The following ALPK1 variants were observed in gnomAD, a reference collection of about 807,000 sequenced individuals.
ALPK1 encodes alpha-protein kinase 1.
ALPK1 carries 110 observed loss-of-function variants against 120.6 expected under a neutral mutation model. The observed-to-expected ratio is 0.91, with a 90% CI of 0.78 to 1.07. The LOEUF (loss-of-function observed/expected upper bound fraction) is 1.07. Among genes scored for constraint, ALPK1 ranks in the 50% least tolerant of loss-of-function variants. The pLI is 0.00. For synonymous variants in ALPK1, 582 were observed against 560.3 expected, an observed-to-expected ratio of 1.04 and a Z score of -0.55; for missense variants, 1,498 against 1,483.9, an observed-to-expected ratio of 1.01 and a Z score of -0.16.
chr4:112,330,367 C>CTA (rs2148700357), intron 2 of ALPK1, among the ~76,000 whole-genome samples: 1 of 152,240 alleles, frequency 6.6e-6, no homozygotes, highest in African/African-American at 2.4e-5. Flanking sequence ...ACAGCCTAAG[C>CTA]TATAAAGGTA....
intron 4 of ALPK1, chr4:112,411,584 T>G (rs1056107868): frequency 1.8e-6 from 1 of 550,760 alleles, no homozygotes; most frequent in Admixed American, 3.1e-5. Context: ...GAAGTATGCA[T>G]TTATCGCTTC....
chr4:112,440,415 C>T (rs1052607107), intron 14 of ALPK1, among the ~76,000 whole-genome samples: 1 of 152,010 alleles, frequency 6.6e-6, no homozygotes, highest in Non-Finnish European at 1.5e-5. Flanking sequence ...TTAGAAAATA[C>T]CCTATACTTC....
intron 4 of ALPK1, among the ~76,000 whole-genome samples, chr4:112,396,271 T>G (rs1732646473): frequency 1.3e-5 from 2 of 152,318 alleles, no homozygotes; most frequent in Non-Finnish European, 1.5e-5. Context: ...GAAAAATGTC[T>G]AAGCTCCATA....
intron 4 of ALPK1, among the ~76,000 whole-genome samples, chr4:112,410,252 G>C (rs1371620410): frequency 2.6e-5 from 4 of 152,010 alleles, no homozygotes; most frequent in Admixed American, 2.6e-4. Context: ...CTAACATAGA[G>C]TCAGGACAAC....
rs1004618507 is a variant in ALPK1, at chr4:112,307,788, T to A, written c.-152-8013T>A. On this transcript the variant is annotated intron_variant, in intron 1 of 15. Transcript: ENST00000650871. The stretch of plus-strand genomic sequence containing the variant: ...GTTATGTGTGAATTTGACCCTGTCA[T>A]TATAATGTTAGCTGGTTATTTTGCT... 3.3e-5 allele frequency among the ~76,000 whole-genome samples: 5 copies of A among 152,250 alleles called. 2 individuals are homozygous for A. The highest frequency in any genetic ancestry group is 1.2e-4 in the African/African-American group (5 of 41,500).
chr4:112,331,275 A>G (rs1729357032), intron 2 of ALPK1, among the ~76,000 whole-genome samples: 1 of 152,132 alleles, frequency 6.6e-6, no homozygotes, highest in South Asian at 2.1e-4. Flanking sequence ...GATTATTGAG[A>G]GGGTGTCTTC....
At chr4:112,399,466 G>A (rs1386454423) in intron 4 of ALPK1, among the ~76,000 whole-genome samples, 1 of 152,174 alleles carries the variant, frequency 6.6e-6, no homozygotes, top group African/African-American at 2.4e-5. Context: ...AGAGTGGCAG[G>A]TAAAGACGTG....
chr4:112,431,409 G>T lies in ALPK1; in HGVS notation c.1862G>T (p.Cys621Phe). 1 of 1,614,236 alleles carries T rather than the reference G, an allele frequency of 6.2e-7. No homozygotes were observed. Among genetic ancestry groups the T allele is most frequent in the Non-Finnish European group, 8.5e-7 (1 of 1,180,040 alleles). Residue 621 changes from cysteine (C) to phenylalanine (F), a missense_variant, in exon 11 of 16, where the codon TGT becomes TTT. Transcript: ENST00000650871. ...AAAGAACATCTGGTGGACACTCAGT[G>T]TTCCACTGCCTTGTCTGAGGAGCTA... ...PGKEHLVDTQ[C>F]STALSEELEN... is the part of the protein sequence containing the mutation.
Position 112,442,207 on chromosome 4 carries a change from C to G in ALPK1, c.*997C>G, listed in dbSNP as rs182332598. 2 of 152,248 alleles carry G rather than the reference C, an allele frequency of 1.3e-5. No individual in the cohort carries two copies. The highest frequency in any genetic ancestry group is 1.3e-4 in the Admixed American group (2 of 15,296). 9.4% of individuals were successfully genotyped at this position (152,248 alleles called of 1,614,324 possible). ...ACCTCCTACCAGGTCCTTCCCATGA[C>G]ACATGGGAATTATGGGACTACAATT... is the stretch of plus-strand genomic sequence containing the variant. On this transcript the variant is annotated 3_prime_UTR_variant, in exon 16 of 16. Coordinates refer to ENST00000650871, the MANE Select transcript of ALPK1 (RefSeq NM_025144.4).
intron 2 of ALPK1, among the ~76,000 whole-genome samples, chr4:112,363,885 T>C (rs1330642832): frequency 6.6e-6 from 1 of 152,104 alleles, no homozygotes; most frequent in African/African-American, 2.4e-5. Flanking sequence ...TGGAATAAAA[T>C]TGGAAATCAA....
At chr4:112,347,488 A>C (rs1488569735) in intron 2 of ALPK1, among the ~76,000 whole-genome samples, 1 of 152,260 alleles carries the variant, frequency 6.6e-6, no homozygotes, top group Non-Finnish European at 1.5e-5. Context: ...TCTTCTAAGT[A>C]GTATAATAGT....
In ALPK1 at chr4:112,435,175, A is replaced by T. The variant is rs1163105556; in HGVS notation, c.3062A>T (p.Lys1021Ile). ...HSALLLKYSKKSELWTAQETI... is the reference protein window; with the variant it reads ...HSALLLKYSKISELWTAQETI... ...GCTCTTTTGTTAAAATATTCAAAAA[A>T]ATCTGAACTGTGGACGGCCCAGGAA... The change falls in exon 12 of 16, where the codon AAA becomes ATA. Residue 1021 changes from lysine (K) to isoleucine (I), a missense_variant. Lys to Ile is a moderately radical substitution (Grantham distance 102, BLOSUM62 -3). Coordinates refer to ENST00000650871, the MANE Select transcript of ALPK1 (RefSeq NM_025144.4). 3 of 1,604,766 alleles carry T rather than the reference A, an allele frequency of 1.9e-6. No individual in the cohort carries two copies. Among genetic ancestry groups the T allele is most frequent in the Non-Finnish European group, 1.7e-6 (2 of 1,177,970 alleles).
chr4:112,412,229 A>G (rs904357434), intron 5 of ALPK1, among the ~76,000 whole-genome samples: 1 of 151,912 alleles, frequency 6.6e-6, no homozygotes, highest in Non-Finnish European at 1.5e-5. Flanking sequence ...AGGGTTTCAG[A>G]GCCAAAAGCA....
At chr4:112,329,746 C>T (rs1199000295) in intron 2 of ALPK1, among the ~76,000 whole-genome samples, 1 of 152,160 alleles carries the variant, frequency 6.6e-6, no homozygotes, top group African/African-American at 2.4e-5. Context: ...CATGGCACTG[C>T]TCATGAGGTT....
intron 2 of ALPK1, among the ~76,000 whole-genome samples, chr4:112,323,485 A>G (rs1728955859): frequency 6.6e-6 from 1 of 152,114 alleles, no homozygotes; most frequent in Non-Finnish European, 1.5e-5. Context: ...TATCCAGAAA[A>G]TTTTGGTTAA....
intron 6 of ALPK1, chr4:112,425,457 G>A: frequency 2.5e-6 from 1 of 403,130 alleles, no homozygotes; most frequent in Non-Finnish European, 4.7e-6. Context: ...TGGACAGAGA[G>A]TAAGTAGGGG....
At chr4:112,356,619 C>T (rs1460102901) in intron 2 of ALPK1, 3 of 787,118 alleles carry the variant, frequency 3.8e-6, no homozygotes, top group Non-Finnish European at 6.8e-6. Flanking sequence ...CCACTTGTGC[C>T]GCAAGAAGAT....
intron 4 of ALPK1, among the ~76,000 whole-genome samples, chr4:112,395,466 T>G (rs896112199): frequency 1.3e-5 from 2 of 152,248 alleles, no homozygotes; most frequent in Non-Finnish European, 2.9e-5. Flanking sequence ...TTGAATCAAT[T>G]GTCTTTAAAA....
intron 2 of ALPK1, among the ~76,000 whole-genome samples, chr4:112,320,738 G>A (rs1728831050): frequency 6.6e-6 from 1 of 151,958 alleles, no homozygotes. Flanking sequence ...TCTGTTCAGA[G>A]TTTCTATTTC....
Sources: gnomAD v4.1 joint callset for allele counts (sites outside exome capture counted in the v4.1 genomes callset) on GRCh38, gnomAD v4.1.1 for gene constraint, MANE v1.5 for transcripts, NCBI Gene and HGNC (gene_info 2026-07-23, HGNC 2026-07-21) for gene names.